DIAPH1: variants seen among roughly 807,000 people sequenced by gnomAD.
The protein encoded by DIAPH1 is diaphanous related formin 1, also known as protein diaphanous homolog 1.
Under a neutral mutation model 140.7 loss-of-function variants are expected in DIAPH1, and 46 were observed. The observed-to-expected ratio is 0.33, with a 90% confidence interval of 0.26 to 0.42. DIAPH1 has a LOEUF of 0.42. DIAPH1 is among the 10% of genes least tolerant of loss of function. The pLI, the probability that DIAPH1 is intolerant of heterozygous loss-of-function variation, is 1.00. For missense variants in DIAPH1, 1,310 were observed against 1,558.7 expected, an observed-to-expected ratio of 0.84 and a Z score of 2.69; for synonymous variants, 565 against 551.6, an observed-to-expected ratio of 1.02 and a Z score of -0.34.
chr5:141,539,131 T>C (rs1344374474), intron 18 of DIAPH1, among the ~76,000 whole-genome samples: 1 of 151,692 alleles, frequency 6.6e-6, no homozygotes, highest in Non-Finnish European at 1.5e-5. Flanking sequence ...TAAAAAATTA[T>C]CTAGGCATGG....
chr5:141,526,467 GC>G lies in DIAPH1; in HGVS notation c.3274-7del. 1 of 1,614,110 alleles carries G rather than the reference GC, an allele frequency of 6.2e-7. No individual in the cohort carries two copies. Among genetic ancestry groups the G allele is most frequent in the Non-Finnish European group, 8.5e-7 (1 of 1,180,032 alleles). On this transcript the variant is annotated splice_polypyrimidine_tract_variant and splice_region_variant and intron_variant, in intron 24 of 27. Coordinates refer to ENST00000389054, the MANE Select transcript of DIAPH1 (RefSeq NM_005219.5). ...TGTGCATCCTTCACAAAGCTGTGCA[GC>G]CAAGGAGTAAAGGACCAAGACCAAG... is the stretch of plus-strand genomic sequence containing the variant.
intron 1 of DIAPH1, among the ~76,000 whole-genome samples, chr5:141,590,029 G>A (rs1469657491): frequency 6.6e-6 from 1 of 151,896 alleles, no homozygotes; most frequent in Non-Finnish European, 1.5e-5. Flanking sequence ...GGGATTGCAG[G>A]TGCATACCAC....
At chr5:141,615,200 C>A (rs1348466399) in intron 1 of DIAPH1, among the ~76,000 whole-genome samples, 3 of 151,866 alleles carry the variant, frequency 2.0e-5, no homozygotes, top group African/African-American at 7.3e-5. Flanking sequence ...CTTCGGGAGG[C>A]TGAGGCTGGC....
At chr5:141,548,387 G>A (rs2099891153) in intron 18 of DIAPH1, among the ~76,000 whole-genome samples, 1 of 151,662 alleles carries the variant, frequency 6.6e-6, no homozygotes, top group South Asian at 2.1e-4. Context: ...TATAGTAAAG[G>A]GAGTATTTAT....
At chr5:141,598,123 T>C (rs1053310977) in intron 1 of DIAPH1, among the ~76,000 whole-genome samples, 2 of 152,220 alleles carry the variant, frequency 1.3e-5, no homozygotes, top group Non-Finnish European at 2.9e-5. Flanking sequence ...GACTCTGAGA[T>C]GGTATTCAGT....
At chr5:141,552,308 G>A (rs1334384943) in intron 18 of DIAPH1, among the ~76,000 whole-genome samples, 4 of 152,036 alleles carry the variant, frequency 2.6e-5, no homozygotes, top group African/African-American at 9.7e-5. Flanking sequence ...TCCCGCCTCA[G>A]CCTCCTGAGC....
At chr5:141,527,078 G>C (rs1374926685) in intron 24 of DIAPH1, among the ~76,000 whole-genome samples, 4 of 152,164 alleles carry the variant, frequency 2.6e-5, no homozygotes, top group Non-Finnish European at 5.9e-5. Context: ...CTGGGGAGGG[G>C]AAAGAGAGGG....
At chr5:141,603,381 A>T (rs2099900457) in intron 1 of DIAPH1, among the ~76,000 whole-genome samples, 1 of 152,244 alleles carries the variant, frequency 6.6e-6, no homozygotes, top group African/African-American at 2.4e-5. Context: ...ATAAATAAAT[A>T]ATAAACTTGT....
intron 23 of DIAPH1, 41 bp downstream of exon 23, chr5:141,528,412 C>T: frequency 6.2e-7 from 1 of 1,613,562 alleles, no homozygotes; most frequent in Non-Finnish European, 8.5e-7. Flanking sequence ...CCTCCCCATG[C>T]AGAGACTTTT....
intron 18 of DIAPH1, among the ~76,000 whole-genome samples, chr5:141,537,509 A>AG (rs2099889230): frequency 6.8e-6 from 1 of 146,098 alleles, no homozygotes; most frequent in African/African-American, 2.5e-5. Flanking sequence ...AAAAAAAAAA[A>AG]GGGATGAAAA....
chr5:141,571,480 GA>G (rs763621432), intron 17 of DIAPH1, 44 bp from the exon 18 acceptor site: 2 of 1,565,526 alleles, frequency 1.3e-6, no homozygotes, highest in Admixed American at 1.7e-5. Context: ...TCCAATATTG[GA>G]AAGAAATGGA....
At chr5:141,579,873 GGGA>G (rs1462306251) in intron 8 of DIAPH1, among the ~76,000 whole-genome samples, 2 of 151,730 alleles carry the variant, frequency 1.3e-5, no homozygotes, top group Non-Finnish European at 2.9e-5. Flanking sequence ...GCTTGAACCT[GGGA>G]GGAGGAGTTT....
intron 11 of DIAPH1, chr5:141,577,875 T>C (rs1023600815): frequency 4.8e-5 from 24 of 496,550 alleles, no homozygotes; most frequent in African/African-American, 4.3e-4. Flanking sequence ...CAAAGTCACT[T>C]ACTGAAAATA....
chr5:141,611,284 T>A (rs150856460), intron 1 of DIAPH1, among the ~76,000 whole-genome samples: 1 of 152,196 alleles, frequency 6.6e-6, no homozygotes, highest in East Asian at 1.9e-4. Context: ...GGAGAAAACC[T>A]TAGCGACCAT....
intron 26 of DIAPH1, 92 bp from the exon 27 acceptor site, chr5:141,524,321 G>A: frequency 8.3e-7 from 1 of 1,203,140 alleles, no homozygotes; most frequent in Non-Finnish European, 1.2e-6. Flanking sequence ...GCTATTGCTT[G>A]ATTTCCCCTC....
At chr5:141,541,059 G>A (rs1374219606) in intron 18 of DIAPH1, among the ~76,000 whole-genome samples, 1 of 151,856 alleles carries the variant, frequency 6.6e-6, no homozygotes, top group African/African-American at 2.4e-5. Flanking sequence ...AATATATGAT[G>A]GCAGCAATTA....
rs774466966 is a variant in DIAPH1 at position 141,577,516 on chromosome 5, G to T, written c.1239C>A (p.Ile413=). 1.9e-6 allele frequency: 3 copies of T among 1,613,936 alleles called. No individual in the cohort carries two copies. Among genetic ancestry groups the T allele is most frequent in the Non-Finnish European group, 2.5e-6 (3 of 1,179,822 alleles). ...TTCGGACCAAGAGTAAGTGCTGCAG[G>T]ATGGAAAGGAAGTGTGGCTCTGCCT... The part of the protein sequence containing the change: ...DSKAEPHFLS[I]LQHLLLVRND... Residue 413 remains isoleucine, a synonymous_variant, in exon 12 of 28, where the codon ATC becomes ATA. Transcript: ENST00000389054.
intron 27 of DIAPH1, among the ~76,000 whole-genome samples, chr5:141,522,740 C>T (rs2099886758): frequency 6.6e-6 from 1 of 152,158 alleles, no homozygotes; most frequent in Non-Finnish European, 1.5e-5. Flanking sequence ...CTGTACTCTC[C>T]TTGCAAACAC....
chr5:141,559,759 A>G (rs1212264392), intron 18 of DIAPH1, among the ~76,000 whole-genome samples: 2 of 152,134 alleles, frequency 1.3e-5, no homozygotes, highest in African/African-American at 4.8e-5. Context: ...CCAAACAAGG[A>G]CTCAGGTATG....
Sources: gnomAD v4.1 joint callset for allele counts (sites outside exome capture counted in the v4.1 genomes callset) on GRCh38, gnomAD v4.1.1 for gene constraint, MANE v1.5 for transcripts, NCBI Gene and HGNC (gene_info 2026-07-23, HGNC 2026-07-21) for gene names.